Variants in RAB44 observed in about 807,000 individuals in gnomAD.
The protein encoded by RAB44 is RAB44, member RAS oncogene family, also known as ras-related protein Rab-44.
RAB44 carries 67 observed loss-of-function variants against 93.3 expected under a neutral mutation model. The observed-to-expected ratio is 0.72, with a 90% CI of 0.59 to 0.88. The LOEUF (loss-of-function observed/expected upper bound fraction) is 0.88. Ranked by LOEUF, RAB44 falls within the 40% of genes least tolerant of loss-of-function variation. The pLI, the probability that RAB44 is intolerant of heterozygous loss-of-function variation, is 0.00. For missense variants in RAB44, 1,064 were observed against 1,261.7 expected (o/e 0.84, Z 2.37); for synonymous variants, 427 against 520.3 (o/e 0.82, Z 2.44).
chr6:36,727,708 T>C lies in RAB44; in HGVS notation c.2796+17T>C. 6.6e-7 allele frequency: 1 copy of C among 1,523,028 alleles called. No homozygotes were observed. The highest frequency in any genetic ancestry group is 8.9e-7 in the Non-Finnish European group (1 of 1,121,984). The allele number at this position is 1,523,028 out of a possible 1,614,324, so 94.3% of individuals were successfully genotyped here. ...TGTCTCCAGGTGAGCAGATGGCTGC[T>C]GGGGTTGGCCCCAGTCCCTCCAGTC... On this transcript the variant is annotated intron_variant, in intron 11 of 13. Transcript: ENST00000612677.
rs1360214506 is a variant in RAB44, at chr6:36,722,540, A to C, written c.2406A>C (p.Glu802Asp). 1.9e-6 allele frequency: 3 copies of C among 1,541,700 alleles called. No individual in the cohort carries two copies. Among genetic ancestry groups the C allele is most frequent in the South Asian group, 1.2e-5 (1 of 83,198 alleles). Reference sequence around the variant, plus strand: ...AACCAAGGGCAGAGAGCAGGCTTGAAGATCCAGGAATGGACTCCAGGGAAG... The same window carrying C: ...AACCAAGGGCAGAGAGCAGGCTTGACGATCCAGGAATGGACTCCAGGGAAG... ...SREPRAESRLEDPGMDSREAG... is the reference protein window; with the variant it reads ...SREPRAESRLDDPGMDSREAG... Residue 802 changes from glutamate to aspartate, a missense_variant, in exon 9 of 14, where the codon GAA becomes GAC. Transcript: ENST00000612677.
At position 36,704,313 on chromosome 6, in the gene RAB44, T is replaced by C; in HGVS notation, c.78T>C (p.Ala26=). ...GGCGGCGGCAGACAAGAGAGCCAGC[T>C]GATGGTGAAGGCGCTGCAGTGGCCC... ...SNRRRQTREP[A]DGEGAAVAPE... Residue 26 remains alanine, a synonymous_variant, in exon 2 of 14, where the codon GCT becomes GCC. Transcript: ENST00000612677. 6.5e-7 allele frequency: 1 copy of C among 1,536,162 alleles called. No homozygotes were observed. The highest frequency in any genetic ancestry group is 1.4e-5 in the African/African-American group (1 of 73,172).
In RAB44 at chr6:36,721,277, G is replaced by C; in HGVS notation, c.1143G>C (p.Pro381=). 8.1e-7 allele frequency: 1 copy of C among 1,234,224 alleles called. No homozygotes were observed. Among genetic ancestry groups the C allele is most frequent in the Non-Finnish European group, 1.0e-6 (1 of 988,188 alleles). The allele number at this position is 1,234,224 out of a possible 1,614,324, so 76.5% of individuals were successfully genotyped here. ...TACTGAGCAACTTTGGCAGCCCTCC[G>C]CACGGAGCCCTGCAGCTCTGCTGGA... The part of the protein sequence containing the change: ...DQLLSNFGSP[P]HGALQLCWSP... Residue 381 remains proline (P), a synonymous_variant, in exon 9 of 14, where the codon CCG becomes CCC. Transcript: ENST00000612677.
At chr6:36,729,767 G>A (rs911743833) in intron 12 of RAB44, among the ~76,000 whole-genome samples, 9 of 152,200 alleles carry the variant, frequency 5.9e-5, no homozygotes, top group Admixed American at 2.0e-4. Flanking sequence ...ACAGGCGTGA[G>A]CCACCATGCT....
Position 36,718,554 on chromosome 6 carries a change from G to T in RAB44, c.794G>T (p.Arg265Leu). Reference protein sequence around the residue: ...QMQDVLEAKEREVQRLAEGQR... With the variant: ...QMQDVLEAKELEVQRLAEGQR... ...CAGGACGTCCTAGAGGCCAAGGAGC[G>T]CGAGGTGCAGCGACTAGCTGAGGGC... The change falls in exon 7 of 14, where the codon CGC (arginine) becomes CTC (leucine). Residue 265 changes from arginine (R) to leucine (L), a missense_variant. Arg to Leu is a moderately radical substitution (Grantham distance 102). Transcript: ENST00000612677. 1.6e-6 allele frequency: 2 copies of T among 1,234,246 alleles called. No homozygotes were observed. The allele number at this position is 1,234,246 out of a possible 1,614,324, so 76.5% of individuals were successfully genotyped here.
intron 12 of RAB44, 114 bp downstream of exon 12, chr6:36,728,915 T>C: frequency 1.2e-6 from 1 of 829,730 alleles, no homozygotes; most frequent in East Asian, 2.7e-5. Context: ...CGTGGCCCAT[T>C]CCTGCCCCTG....
At position 36,730,786 on chromosome 6, in the gene RAB44, C is replaced by A. The variant is rs373044133; in HGVS notation, c.2975+37C>A. 164 of 1,091,954 alleles carry A rather than the reference C, an allele frequency of 1.5e-4. No individual in the cohort carries two copies. In the Middle Eastern group the frequency reaches 2.4e-3, roughly 16 times the overall value. 67.6% of individuals were successfully genotyped at this position (1,091,954 alleles called of 1,614,324 possible). On this transcript the variant is annotated intron_variant, in intron 13 of 13. Coordinates refer to ENST00000612677, the MANE Select transcript of RAB44 (RefSeq NM_001257357.2). ...CCGCCCCCCGCCGCCCCCACCCCCC[C>A]CCTTGCAGAATCCTCTGGGACAGCT...
intron 9 of RAB44, among the ~76,000 whole-genome samples, chr6:36,724,710 A>G (rs1197367275): frequency 6.6e-6 from 1 of 152,098 alleles, no homozygotes; most frequent in African/African-American, 2.4e-5. Flanking sequence ...GCAAGCCGGC[A>G]TGCACTGCTA....
At chr6:36,698,047 G>C (rs537280855) in intron 1 of RAB44, 132 bp downstream of exon 1, 1 of 152,346 alleles carries the variant, frequency 6.6e-6, no homozygotes, top group East Asian at 1.9e-4. Flanking sequence ...CCTGCATTTG[G>C]AGCTCTCTGC....
intron 1 of RAB44, among the ~76,000 whole-genome samples, chr6:36,702,404 A>C (rs531762965): frequency 6.7e-6 from 1 of 150,158 alleles, no homozygotes. Flanking sequence ...AGTTCTGTGC[A>C]ACCTGTGCCG....
intron 2 of RAB44, among the ~76,000 whole-genome samples, chr6:36,705,268 C>T (rs1762619032): frequency 6.6e-6 from 1 of 152,180 alleles, no homozygotes; most frequent in Non-Finnish European, 1.5e-5. Context: ...ATCAATCTTT[C>T]AGGCTATCTG....
In RAB44 at chr6:36,727,584, A is replaced by G. The variant is rs1763267508; in HGVS notation, c.2689A>G (p.Ser897Gly). Residue 897 changes from serine to glycine, a missense_variant, in exon 11 of 14, where the codon AGT becomes GGT. Physicochemically the swap from Ser to Gly is moderately conservative, Grantham distance 56 (BLOSUM62 0). Coordinates refer to ENST00000612677, the MANE Select transcript of RAB44 (RefSeq NM_001257357.2). ...TGCAGACTCTCTGGGCAGGTACCAC[A>G]GTATGACGCGACAGCTGCTCCGCAA... ...WDTAGQERYH[S>G]MTRQLLRKAD... is the part of the protein sequence containing the mutation. 4 of 1,550,138 alleles carry G rather than the reference A, an allele frequency of 2.6e-6. No homozygotes were observed. The highest frequency in any genetic ancestry group is 3.5e-6 in the Non-Finnish European group (4 of 1,146,740).
intron 2 of RAB44, among the ~76,000 whole-genome samples, chr6:36,711,037 C>T (rs1010678823): frequency 1.3e-5 from 2 of 152,184 alleles, no homozygotes; most frequent in East Asian, 1.9e-4. Flanking sequence ...TAAAAATATG[C>T]CTAGCAATCA....
chr6:36,714,103 C>T (rs1469910011), intron 3 of RAB44, among the ~76,000 whole-genome samples, 164 bp downstream of exon 3: 1 of 152,230 alleles, frequency 6.6e-6, no homozygotes, highest in Non-Finnish European at 1.5e-5. Flanking sequence ...TGCATCCCCT[C>T]TGCCCCTCCA....
At chr6:36,715,694 A>G in intron 4 of RAB44, 41 bp downstream of exon 4, 1 of 1,525,272 alleles carries the variant, frequency 6.6e-7, no homozygotes, top group Non-Finnish European at 8.8e-7. Context: ...AGGCTCTGCC[A>G]GCCATTGACG....
At chr6:36,704,145 G>A in intron 1 of RAB44, 79 bp from the exon 2 acceptor site, 3 of 1,261,274 alleles carry the variant, frequency 2.4e-6, no homozygotes, top group Non-Finnish European at 3.3e-6. Flanking sequence ...CAAGGGTGAT[G>A]GGAGCCAGGG....
chr6:36,708,578 G>C (rs1044140794), intron 2 of RAB44, among the ~76,000 whole-genome samples: 1 of 151,962 alleles, frequency 6.6e-6, no homozygotes, highest in Non-Finnish European at 1.5e-5. Context: ...CTATTTAATC[G>C]AAGTAATAAT....
At chr6:36,708,705 T>A (rs1336334359) in intron 2 of RAB44, among the ~76,000 whole-genome samples, 1 of 152,058 alleles carries the variant, frequency 6.6e-6, no homozygotes, top group African/African-American at 2.4e-5. Flanking sequence ...TATAATAAGT[T>A]CAAAACAAAG....
intron 7 of RAB44, 24 bp downstream of exon 7, chr6:36,718,612 A>AC: frequency 8.5e-7 from 1 of 1,182,362 alleles, no homozygotes; most frequent in Non-Finnish European, 1.1e-6. Context: ...TTTCCCAGAA[A>AC]CCTACTTCCG....
Sources: allele counts gnomAD v4.1 joint callset (sites outside exome capture counted in the v4.1 genomes callset), GRCh38; gene constraint gnomAD v4.1.1; transcripts MANE v1.5; gene names NCBI Gene and HGNC (gene_info 2026-07-23, HGNC 2026-07-21).